Variants in RANBP17 observed in about 807,000 individuals in gnomAD.
The protein encoded by RANBP17 is ran-binding protein 17.
In RANBP17, 158 loss-of-function variants were observed where a neutral mutation model predicts 141.2. The observed-to-expected ratio is 1.12, with a 90% CI of 0.98 to 1.28. The LOEUF is 1.28. Among genes scored for constraint, RANBP17 ranks in the 50% most tolerant of loss-of-function variants. RANBP17 has a pLI of 0.00. For missense variants in RANBP17, 1,438 were observed against 1,290.7 expected, an observed-to-expected ratio of 1.11 and a Z score of -1.75; for synonymous variants, 430 against 450.0, an observed-to-expected ratio of 0.96 and a Z score of 0.56.
At chr5:171,062,285 C>T (rs985057128) in intron 14 of RANBP17, among the ~76,000 whole-genome samples, 10 of 152,156 alleles carry the variant, frequency 6.6e-5, no homozygotes, top group African/African-American at 1.4e-4. Context: ...CATAATTTTG[C>T]GGCGGCTGGT....
At chr5:170,971,568 G>A (rs1215571233) in intron 14 of RANBP17, among the ~76,000 whole-genome samples, 1 of 151,998 alleles carries the variant, frequency 6.6e-6, no homozygotes, top group Non-Finnish European at 1.5e-5. Flanking sequence ...ATGTTGAATG[G>A]GCCCTTGAAA....
At chr5:171,190,953 C>T (rs557508288) in intron 18 of RANBP17, among the ~76,000 whole-genome samples, 3 of 152,248 alleles carry the variant, frequency 2.0e-5, no homozygotes, top group South Asian at 2.1e-4. Flanking sequence ...ATGAGAAGCA[C>T]GTGGATAGGA....
At chr5:171,130,111 T>C (rs1756794991) in intron 14 of RANBP17, among the ~76,000 whole-genome samples, 1 of 152,150 alleles carries the variant, frequency 6.6e-6, no homozygotes, top group Admixed American at 6.5e-5. Flanking sequence ...GGTTACAGCA[T>C]GGAAGAACTA....
chr5:170,909,754 C>T lies in RANBP17; in HGVS notation c.583C>T (p.Leu195Phe), dbSNP rs1771380446. 6.7e-7 allele frequency: 1 copy of T among 1,503,614 alleles called. No homozygotes were observed. The highest frequency in any genetic ancestry group is 9.2e-7 in the Non-Finnish European group (1 of 1,082,662). The allele number at this position is 1,503,614 out of a possible 1,614,324, so 93.1% of individuals were successfully genotyped here. A position where few individuals can be genotyped will look rare whatever the true frequency, so the allele number is the denominator to read the frequency against. ...AGACGTTTTAGTGCTAGCATGCTCT[C>T]TTTTAAAAGAGGTAAGTTATTTGAT... Reference protein sequence around the residue: ...LKDVLVLACSLLKEVFAKPLN... With the variant: ...LKDVLVLACSFLKEVFAKPLN... The change falls in exon 6 of 28, where the codon CTT becomes TTT. Residue 195 changes from leucine to phenylalanine, a missense_variant. Physicochemically the swap from Leu to Phe is conservative, Grantham distance 22 (BLOSUM62 0). Coordinates refer to ENST00000523189, the MANE Select transcript of RANBP17 (RefSeq NM_022897.5).
chr5:170,984,596 A>G (rs1322645458), intron 14 of RANBP17, among the ~76,000 whole-genome samples: 1 of 152,160 alleles, frequency 6.6e-6, no homozygotes, highest in East Asian at 1.9e-4. Context: ...AGTGCATTCC[A>G]GCTTGGATGA....
At chr5:171,079,484 T>C (rs190332838) in intron 14 of RANBP17, among the ~76,000 whole-genome samples, 1 of 152,354 alleles carries the variant, frequency 6.6e-6, no homozygotes, top group Admixed American at 6.5e-5. Context: ...AACAGCATTG[T>C]ATGTTGCAGA....
intron 22 of RANBP17, among the ~76,000 whole-genome samples, chr5:171,235,322 CTT>C (rs554291422): frequency 7.0e-4 from 93 of 132,340 alleles, no homozygotes; most frequent in South Asian, 1.2e-3. Flanking sequence ...TTGCATGTGT[CTT>C]TTTTTTTTTT....
chr5:171,091,984 G>A (rs572403712), intron 14 of RANBP17, among the ~76,000 whole-genome samples: 137 of 152,218 alleles, frequency 9.0e-4, no homozygotes, highest in African/African-American at 3.1e-3. Context: ...GAATATGCAC[G>A]GATTTTGGTA....
chr5:171,170,742 T>A (rs1459415209), intron 15 of RANBP17, among the ~76,000 whole-genome samples: 1 of 152,104 alleles, frequency 6.6e-6, no homozygotes, highest in Admixed American at 6.6e-5. Flanking sequence ...GGCACCCCGC[T>A]TTATCTGTGT....
chr5:171,039,269 TTAA>T (rs1327028865), intron 14 of RANBP17, among the ~76,000 whole-genome samples: 1 of 149,346 alleles, frequency 6.7e-6, no homozygotes, highest in Non-Finnish European at 1.5e-5. Flanking sequence ...TTTTTGCTTT[TTAA>T]TAATAACTAT....
At chr5:170,896,171 C>G in intron 5 of RANBP17, 56 bp downstream of exon 5, 1 of 1,200,192 alleles carries the variant, frequency 8.3e-7, no homozygotes, top group Non-Finnish European at 1.2e-6. Flanking sequence ...AATGCTGTTT[C>G]TTTTCTGCTT....
chr5:171,209,908 C>A (rs774847048), intron 20 of RANBP17, among the ~76,000 whole-genome samples: 2 of 152,160 alleles, frequency 1.3e-5, no homozygotes, highest in African/African-American at 4.8e-5. Context: ...AATGAAAATT[C>A]TTTTGCCTTC....
intron 25 of RANBP17, among the ~76,000 whole-genome samples, chr5:171,286,567 CTAAT>C (rs1043519274): frequency 4.6e-5 from 7 of 152,082 alleles, no homozygotes; most frequent in African/African-American, 1.7e-4. Context: ...GAAAATATAA[CTAAT>C]TATATGCTTA....
intron 14 of RANBP17, among the ~76,000 whole-genome samples, chr5:171,047,278 A>G (rs1056775494): frequency 2.0e-5 from 3 of 151,752 alleles, no homozygotes; most frequent in African/African-American, 7.2e-5. Context: ...TCGGCACCCC[A>G]AAGTGTTGGG....
chr5:171,287,064 A>G (rs2128041091), intron 25 of RANBP17, among the ~76,000 whole-genome samples: 1 of 152,336 alleles, frequency 6.6e-6, no homozygotes, highest in African/African-American at 2.4e-5. Context: ...CTTGAAACTT[A>G]GATGCATTTA....
chr5:171,204,261 T>C (rs1046290339), intron 19 of RANBP17, among the ~76,000 whole-genome samples: 2 of 152,212 alleles, frequency 1.3e-5, no homozygotes, highest in African/African-American at 2.4e-5. Flanking sequence ...AATATTCCTA[T>C]AAATAACATC....
chr5:171,057,443 A>G (rs1175324620), intron 14 of RANBP17, among the ~76,000 whole-genome samples: 1 of 152,062 alleles, frequency 6.6e-6, no homozygotes, highest in Non-Finnish European at 1.5e-5. Context: ...ACTTAATTAT[A>G]TCTCCTGGAA....
intron 14 of RANBP17, among the ~76,000 whole-genome samples, chr5:171,135,040 G>A (rs777892383): frequency 2.6e-5 from 4 of 151,936 alleles, no homozygotes; most frequent in Admixed American, 2.6e-4. Flanking sequence ...AGGCTGAGAT[G>A]GGTGGATAAC....
chr5:170,972,843 C>T (rs1777091522), intron 14 of RANBP17, among the ~76,000 whole-genome samples: 1 of 152,078 alleles, frequency 6.6e-6, no homozygotes, highest in Non-Finnish European at 1.5e-5. Context: ...TTTCTATTGT[C>T]ATTATATGTG....
Sources: gnomAD v4.1 joint callset for allele counts (sites outside exome capture counted in the v4.1 genomes callset) on GRCh38, gnomAD v4.1.1 for gene constraint, MANE v1.5 for transcripts, NCBI Gene and HGNC (gene_info 2026-07-23, HGNC 2026-07-21) for gene names.